The following PTPRT variants were observed in gnomAD, a reference collection of about 807,000 sequenced individuals.
PTPRT encodes receptor-type tyrosine-protein phosphatase T.
In PTPRT, 56 loss-of-function variants were observed where a neutral mutation model predicts 176.8. That is an observed-to-expected ratio of 0.32 (90% CI 0.26 to 0.40). The LOEUF is 0.40. Among genes scored for constraint, PTPRT ranks in the 10% least tolerant of loss-of-function variants. The probability of loss-of-function intolerance (pLI) is 1.00; values close to 1 mark genes in which losing one functional copy is unlikely to be tolerated. For synonymous variants in PTPRT, 783 were observed against 739.0 expected, an observed-to-expected ratio of 1.06 and a Z score of -0.96; for missense variants, 1,540 against 1,908.2, an observed-to-expected ratio of 0.81 and a Z score of 3.60.
At position 42,513,165 on chromosome 20, in the gene PTPRT, T is replaced by C. The variant is rs527885159; in HGVS notation, c.1154-40603A>G. Among the ~76,000 whole-genome samples the C allele has an allele frequency of 3.4e-3, 522 of 151,516 alleles. 2 individuals are homozygous for C. Among genetic ancestry groups the C allele is most frequent in the South Asian group, 6.1e-3 (29 of 4,778 alleles). On this transcript the variant is annotated intron_variant, in intron 7 of 30. Transcript: ENST00000373187. ...GTGAGCTACCATACCCGACCTAATG[T>C]TGTTATTGTGTTTTTCATATGTTCT...
At chr20:42,715,380 T>C (rs779595552) in intron 6 of PTPRT, among the ~76,000 whole-genome samples, 1 of 152,166 alleles carries the variant, frequency 6.6e-6, no homozygotes, top group African/African-American at 2.4e-5. Flanking sequence ...TTAAAATAGA[T>C]ACTATAAATA....
chr20:42,668,611 G>A lies in PTPRT; in HGVS notation c.1153+9255C>T, dbSNP rs80321009. 1.1e-3 allele frequency among the ~76,000 whole-genome samples: 169 copies of A among 152,200 alleles called. No homozygotes were observed. In the East Asian group the frequency reaches 0.023, roughly 21 times the overall value. On this transcript the variant is annotated intron_variant, in intron 7 of 30. Coordinates refer to ENST00000373187, the MANE Select transcript of PTPRT (RefSeq NM_007050.6). Reference sequence around the variant, plus strand: ...ATGGTGCCAACAGTAGACATCGTGCGACAGTGGGAGGGGAGAGAGGGTCTG... The same window carrying A: ...ATGGTGCCAACAGTAGACATCGTGCAACAGTGGGAGGGGAGAGAGGGTCTG...
intron 6 of PTPRT, among the ~76,000 whole-genome samples, chr20:42,726,063 ATT>A (rs2076375400): frequency 8.6e-6 from 1 of 115,960 alleles, no homozygotes; most frequent in African/African-American, 3.4e-5. Flanking sequence ...CATCTTTATT[ATT>A]ATTATTATTA....
chr20:42,312,558 T>C (rs8122334), intron 12 of PTPRT, among the ~76,000 whole-genome samples: 46,746 of 151,980 alleles, frequency 0.31, 7,530 homozygotes, highest in Middle Eastern at 0.36. Context: ...GCCTTCTGAG[T>C]GCCCAGCTCC....
chr20:42,781,938 C>T (rs191372540), intron 3 of PTPRT, among the ~76,000 whole-genome samples: 46 of 152,304 alleles, frequency 3.0e-4, no homozygotes, highest in Middle Eastern at 3.4e-3. Context: ...TATGTTACTG[C>T]TCTGTGCCTC....
intron 17 of PTPRT, among the ~76,000 whole-genome samples, chr20:42,159,987 T>G (rs1305710424): frequency 1.3e-5 from 2 of 152,196 alleles, no homozygotes; most frequent in African/African-American, 4.8e-5. Context: ...GAAATATTGC[T>G]TTGTAAGCTC....
At chr20:42,252,739 A>G (rs1271822564) in intron 13 of PTPRT, among the ~76,000 whole-genome samples, 1 of 152,214 alleles carries the variant, frequency 6.6e-6, no homozygotes, top group Non-Finnish European at 1.5e-5. Context: ...TAAACCTACA[A>G]AAGAACATAC....
At chr20:42,212,235 C>T (rs1305628817) in intron 15 of PTPRT, among the ~76,000 whole-genome samples, 3 of 133,026 alleles carry the variant, frequency 2.3e-5, no homozygotes, top group African/African-American at 8.5e-5. Context: ...CAGCATGGCA[C>T]ATGTATACAT....
At chr20:42,421,263 C>T (rs1042062709) in intron 9 of PTPRT, among the ~76,000 whole-genome samples, 7 of 118,302 alleles carry the variant, frequency 5.9e-5, no homozygotes, top group South Asian at 3.0e-4. Flanking sequence ...CACGCACGCA[C>T]GCACACACAC....
intron 1 of PTPRT, among the ~76,000 whole-genome samples, chr20:42,975,958 G>A (rs1002518635): frequency 5.3e-5 from 8 of 151,748 alleles, no homozygotes; most frequent in Non-Finnish European, 1.2e-4. Context: ...TCTTAGATAG[G>A]GTCATGAAGC....
chr20:42,678,166 G>C lies in PTPRT; in HGVS notation c.860-7C>G, dbSNP rs555874496. 6.2e-7 allele frequency: 1 copy of C among 1,609,800 alleles called. No homozygotes were observed. Among genetic ancestry groups the C allele is most frequent in the African/African-American group, 1.3e-5 (1 of 74,968 alleles). On this transcript the variant is annotated splice_region_variant and splice_polypyrimidine_tract_variant and intron_variant, in intron 6 of 30. Coordinates refer to ENST00000373187, the MANE Select transcript of PTPRT (RefSeq NM_007050.6). ...GCAATGGGCGTGGGAGGCTCTGTAAGACAAGCAATCAAAAAGGACTGTCAG... is the reference window on the plus strand; with the variant it reads ...GCAATGGGCGTGGGAGGCTCTGTAACACAAGCAATCAAAAAGGACTGTCAG...
At chr20:42,426,166 A>G (rs2059162034) in intron 9 of PTPRT, among the ~76,000 whole-genome samples, 1 of 152,072 alleles carries the variant, frequency 6.6e-6, no homozygotes, top group Non-Finnish European at 1.5e-5. Context: ...CTAAATGGGA[A>G]CAGGCATTCC....
At chr20:43,061,087 A>AATGAATGGATGGATGG (rs1555825213) in intron 1 of PTPRT, among the ~76,000 whole-genome samples, 8 of 149,914 alleles carry the variant, frequency 5.3e-5, no homozygotes, top group African/African-American at 1.7e-4. Flanking sequence ...CGGATAAATG[A>AATGAATGGATGGATGG]ATGGATGGAT....
At chr20:42,091,956 G>T (rs1254915863) in intron 27 of PTPRT, among the ~76,000 whole-genome samples, 1 of 152,180 alleles carries the variant, frequency 6.6e-6, no homozygotes, top group African/African-American at 2.4e-5. Flanking sequence ...AAGGGTTGGA[G>T]TTTAGGAACT....
At chr20:42,753,164 A>G (rs1319455986) in intron 6 of PTPRT, among the ~76,000 whole-genome samples, 2 of 152,138 alleles carry the variant, frequency 1.3e-5, no homozygotes, top group African/African-American at 2.4e-5. Context: ...GGTAACAGCA[A>G]GACCACAACC....
chr20:42,770,889 G>A (rs1311306573), intron 5 of PTPRT, among the ~76,000 whole-genome samples: 2 of 152,142 alleles, frequency 1.3e-5, no homozygotes, highest in African/African-American at 4.8e-5. Context: ...GTATAAAATG[G>A]TTATACCAAT....
intron 1 of PTPRT, among the ~76,000 whole-genome samples, chr20:43,162,522 G>T (rs1210189028): frequency 2.6e-5 from 4 of 152,152 alleles, no homozygotes; most frequent in Non-Finnish European, 5.9e-5. Flanking sequence ...CAAAAGCAAA[G>T]GCTACTCCGT....
intron 18 of PTPRT, among the ~76,000 whole-genome samples, chr20:42,134,727 C>G (rs1383518507): frequency 6.6e-6 from 1 of 152,148 alleles, no homozygotes; most frequent in Non-Finnish European, 1.5e-5. Flanking sequence ...TGACCGATTT[C>G]AAGCTACCAA....
At chr20:42,749,427 T>G (rs1436432772) in intron 6 of PTPRT, among the ~76,000 whole-genome samples, 2 of 152,198 alleles carry the variant, frequency 1.3e-5, no homozygotes, top group Non-Finnish European at 2.9e-5. Flanking sequence ...CCAACCTCTG[T>G]ACACCTTTAG....
Sources: allele counts gnomAD v4.1 joint callset (sites outside exome capture counted in the v4.1 genomes callset), GRCh38; gene constraint gnomAD v4.1.1; transcripts MANE v1.5; gene names NCBI Gene and HGNC (gene_info 2026-07-23, HGNC 2026-07-21).